Variants in ARHGEF3 observed in about 807,000 individuals in gnomAD.
ARHGEF3 encodes Rho guanine nucleotide exchange factor 3.
In ARHGEF3, 28 loss-of-function variants were observed where a neutral mutation model predicts 63.2. The observed-to-expected ratio is 0.44, with a 90% CI of 0.33 to 0.61. The LOEUF (loss-of-function observed/expected upper bound fraction) is 0.61. Ranked by LOEUF, ARHGEF3 falls within the 20% of genes least tolerant of loss-of-function variation. The pLI is 0.03. For missense variants in ARHGEF3, 533 were observed against 659.3 expected (o/e 0.81, Z 2.10); for synonymous variants, 266 against 254.2 (o/e 1.05, Z -0.44).
chr3:57,065,531 G>A (rs897494095), intron 1 of ARHGEF3, among the ~76,000 whole-genome samples: 2 of 152,184 alleles, frequency 1.3e-5, no homozygotes, highest in Non-Finnish European at 2.9e-5. Flanking sequence ...TCTGGAACTA[G>A]TGGTGATATC....
chr3:56,946,277 A>G lies in ARHGEF3; in HGVS notation c.129+12546T>C, dbSNP rs569780723. On this transcript the variant is annotated intron_variant, in intron 3 of 12. Transcript: ENST00000338458. ...CCAGCAATGGAACAAAGCTGGATGGAGAATGACTTTGACGAGTTGAGAGAA... is the reference window on the plus strand; with the variant it reads ...CCAGCAATGGAACAAAGCTGGATGGGGAATGACTTTGACGAGTTGAGAGAA... Among the ~76,000 whole-genome samples the G allele has an allele frequency of 3.3e-5, 5 of 152,378 alleles. No individual in the cohort carries two copies. In the South Asian group the frequency reaches 1.0e-3, roughly 32 times the overall value.
intron 7 of ARHGEF3, among the ~76,000 whole-genome samples, chr3:56,738,920 T>C (rs2033822797): frequency 1.3e-5 from 2 of 151,592 alleles, no homozygotes. Context: ...GTGAACGCTG[T>C]CTCTACTAAA....
At chr3:57,007,306 T>C (rs974216976) in intron 2 of ARHGEF3, 1 of 1,289,760 alleles carries the variant, frequency 7.8e-7, no homozygotes, top group African/African-American at 1.5e-5. Flanking sequence ...TGCCATTGAT[T>C]GCGCTGGTTC....
At chr3:56,844,071 T>C (rs2039405445) in intron 4 of ARHGEF3, among the ~76,000 whole-genome samples, 1 of 152,150 alleles carries the variant, frequency 6.6e-6, no homozygotes, top group African/African-American at 2.4e-5. Flanking sequence ...AAAAGGAAAT[T>C]AAGAACAAGC....
At chr3:56,901,659 C>A (rs982016238) in intron 3 of ARHGEF3, among the ~76,000 whole-genome samples, 3 of 151,164 alleles carry the variant, frequency 2.0e-5, no homozygotes, top group African/African-American at 7.3e-5. Context: ...TCACTGCTCA[C>A]TGTAGCCTTA....
chr3:56,924,116 T>C (rs1171638094), intron 3 of ARHGEF3, among the ~76,000 whole-genome samples: 1 of 152,214 alleles, frequency 6.6e-6, no homozygotes, highest in East Asian at 1.9e-4. Flanking sequence ...ATTATAAGCA[T>C]TGACAATGGC....
At chr3:56,775,059 C>T (rs1217718273) in intron 1 of ARHGEF3, 76 of 1,551,112 alleles carry the variant, frequency 4.9e-5, no homozygotes, top group Non-Finnish European at 5.7e-5. Flanking sequence ...ATGAAGATAC[C>T]AAATTTTGAT....
At chr3:56,774,744 C>T (rs1453662238) in intron 1 of ARHGEF3, among the ~76,000 whole-genome samples, 1 of 152,004 alleles carries the variant, frequency 6.6e-6, no homozygotes, top group African/African-American at 2.4e-5. Context: ...TACTAAAATA[C>T]AAAAATTAGC....
intron 2 of ARHGEF3, among the ~76,000 whole-genome samples, chr3:56,959,304 A>AG (rs1163235638): frequency 6.6e-6 from 1 of 152,136 alleles, no homozygotes; most frequent in East Asian, 1.9e-4. Context: ...AGTTCCAACA[A>AG]GGGGTACATT....
At chr3:56,973,751 C>T (rs1281654217) in intron 2 of ARHGEF3, among the ~76,000 whole-genome samples, 1 of 152,030 alleles carries the variant, frequency 6.6e-6, no homozygotes, top group Non-Finnish European at 1.5e-5. Flanking sequence ...GACAAGAAAA[C>T]ATTAGTGAAA....
chr3:56,732,112 T>A (rs2033207817), intron 9 of ARHGEF3, 126 bp downstream of exon 9: 3 of 1,143,590 alleles, frequency 2.6e-6, no homozygotes, highest in Admixed American at 2.1e-5. Flanking sequence ...CAGGAAGTGA[T>A]GAAATAGCAT....
At chr3:56,944,249 T>G (rs1699345611) in intron 3 of ARHGEF3, among the ~76,000 whole-genome samples, 1 of 152,202 alleles carries the variant, frequency 6.6e-6, no homozygotes, top group Non-Finnish European at 1.5e-5. Flanking sequence ...TTTCCTCTGG[T>G]GGCTGTGGGC....
intron 4 of ARHGEF3, among the ~76,000 whole-genome samples, chr3:56,838,766 G>A (rs1414817360): frequency 6.6e-6 from 1 of 152,118 alleles, no homozygotes; most frequent in African/African-American, 2.4e-5. Context: ...AATACCAAGA[G>A]ATCAACACAC....
chr3:56,881,667 A>G (rs2040769624), intron 4 of ARHGEF3, among the ~76,000 whole-genome samples: 1 of 152,226 alleles, frequency 6.6e-6, no homozygotes, highest in South Asian at 2.1e-4. Flanking sequence ...AAATGAGGCA[A>G]ATATTTGGTG....
At chr3:57,068,168 T>TAC (rs55876198) in intron 1 of ARHGEF3, among the ~76,000 whole-genome samples, 77,509 of 148,762 alleles carry the variant, frequency 0.52, 20,724 homozygotes, top group Middle Eastern at 0.61. Context: ...CACACACACA[T>TAC]ACACACACAC....
At chr3:56,771,348 A>G (rs9882898) in intron 2 of ARHGEF3, among the ~76,000 whole-genome samples, 41,359 of 152,016 alleles carry the variant, frequency 0.27, 7,743 homozygotes, top group African/African-American at 0.54. Flanking sequence ...AAACAGAAGA[A>G]AGAAATTTTG....
intron 1 of ARHGEF3, chr3:56,774,923 C>CAA: frequency 7.5e-6 from 9 of 1,193,722 alleles, no homozygotes; most frequent in Admixed American, 3.7e-5. Context: ...ACAACAACAA[C>CAA]AACAAAAAAA....
At chr3:56,729,813 G>A (rs2032994333) in intron 9 of ARHGEF3, among the ~76,000 whole-genome samples, 191 bp from the exon 10 acceptor site, 1 of 152,016 alleles carries the variant, frequency 6.6e-6, no homozygotes, top group South Asian at 2.1e-4. Flanking sequence ...GATTGACACA[G>A]GTCTAGCGTT....
At chr3:57,044,320 T>TG (rs1299458369) in intron 1 of ARHGEF3, among the ~76,000 whole-genome samples, 5 of 151,922 alleles carry the variant, frequency 3.3e-5, no homozygotes, top group African/African-American at 7.3e-5. Flanking sequence ...GTGGTCCACT[T>TG]GGGGGGGTTG....
Sources: gnomAD v4.1 joint callset for allele counts (sites outside exome capture counted in the v4.1 genomes callset) on GRCh38, gnomAD v4.1.1 for gene constraint, MANE v1.5 for transcripts, NCBI Gene and HGNC (gene_info 2026-07-23, HGNC 2026-07-21) for gene names.